Variants in SCNN1A observed in about 807,000 individuals in gnomAD.
SCNN1A encodes the protein sodium channel epithelial 1 subunit alpha.
In SCNN1A, 65 loss-of-function variants were observed where a neutral mutation model predicts 68.6. The observed-to-expected ratio is 0.95, with a 90% confidence interval of 0.78 to 1.16. SCNN1A has a LOEUF of 1.16. SCNN1A is among the 50% of genes most tolerant of loss of function. The pLI, the probability that SCNN1A is intolerant of heterozygous loss-of-function variation, is 0.00. For synonymous variants in SCNN1A, 357 were observed against 353.3 expected (o/e 1.01, Z -0.12); for missense variants, 880 against 865.9 (o/e 1.02, Z -0.20).
intron 5 of SCNN1A, among the ~76,000 whole-genome samples, 166 bp downstream of exon 5, chr12:6,355,611 G>T (rs1948483306): frequency 6.6e-6 from 1 of 152,212 alleles, no homozygotes; most frequent in African/African-American, 2.4e-5. Context: ...GCAGGAGGAA[G>T]ACCTGGGACG....
chr12:6,365,118 C>T (rs139526667), intron 2 of SCNN1A, among the ~76,000 whole-genome samples: 4,000 of 151,376 alleles, frequency 0.026, 163 homozygotes, highest in African/African-American at 0.09. Flanking sequence ...CTCCTGGGCT[C>T]AAGCAATCCT....
intron 1 of SCNN1A, 88 bp downstream of exon 1, chr12:6,375,417 C>T (rs1160785613): frequency 6.6e-7 from 1 of 1,526,024 alleles, no homozygotes; most frequent in African/African-American, 1.4e-5. Context: ...TCTGGGCTGC[C>T]TCCAGCTTCC....
At chr12:6,350,211 T>A (rs1205151291) in intron 8 of SCNN1A, among the ~76,000 whole-genome samples, 3 of 147,994 alleles carry the variant, frequency 2.0e-5, no homozygotes, top group Non-Finnish European at 3.0e-5. Context: ...GGCGGGTGGA[T>A]CACGAGGTCA....
chr12:6,363,740 C>T, intron 2 of SCNN1A, 30 bp from the exon 3 acceptor site: 1 of 1,572,328 alleles, frequency 6.4e-7, no homozygotes, highest in Non-Finnish European at 8.6e-7. Context: ...AGGGTCAGGC[C>T]AGGGGCCCTG....
chr12:6,353,202 A>C (rs1948420017), intron 8 of SCNN1A, among the ~76,000 whole-genome samples: 1 of 152,086 alleles, frequency 6.6e-6, no homozygotes, highest in Admixed American at 6.6e-5. Flanking sequence ...AAGGTGCTCC[A>C]AACTTTACTG....
intron 2 of SCNN1A, among the ~76,000 whole-genome samples, chr12:6,364,610 A>G (rs113304888): frequency 6.6e-6 from 1 of 152,078 alleles, no homozygotes; most frequent in African/African-American, 2.4e-5. Context: ...AAAATACAAA[A>G]AATTAGCCGG....
At chr12:6,370,088 C>T (rs1345018847) in intron 2 of SCNN1A, among the ~76,000 whole-genome samples, 1 of 152,226 alleles carries the variant, frequency 6.6e-6, no homozygotes, top group African/African-American at 2.4e-5. Flanking sequence ...GTCATGCTCA[C>T]TGCCCTCACT....
intron 4 of SCNN1A, among the ~76,000 whole-genome samples, chr12:6,360,097 T>C (rs1948558866): frequency 6.6e-6 from 1 of 152,108 alleles, no homozygotes; most frequent in African/African-American, 2.4e-5. Flanking sequence ...CAACACAAAA[T>C]GGACTAACAC....
intron 8 of SCNN1A, 67 bp from the exon 9 acceptor site, chr12:6,349,472 G>A: frequency 8.6e-7 from 1 of 1,162,210 alleles, no homozygotes; most frequent in Non-Finnish European, 1.3e-6. Context: ...CACCCAAGAG[G>A]TCTCCCAAGA....
chr12:6,359,137 T>C (rs6489711), intron 4 of SCNN1A, among the ~76,000 whole-genome samples: 67,994 of 151,910 alleles, frequency 0.45, 15,708 homozygotes, highest in East Asian at 0.56. Flanking sequence ...GGGTTTCTTT[T>C]TGGGGTAAGG....
At chr12:6,363,330 G>A in intron 3 of SCNN1A, 113 bp downstream of exon 3, 3 of 816,446 alleles carry the variant, frequency 3.7e-6, no homozygotes, top group Admixed American at 8.2e-5. Flanking sequence ...ACGAGGCCCC[G>A]CGTGGTGTCA....
At chr12:6,376,038 G>C (rs1450589241), upstream of SCNN1A, 11 of 994,436 alleles carry the variant, frequency 1.1e-5, no homozygotes, top group African/African-American at 1.7e-5. Context: ...AGGAGAGCAA[G>C]GGGGGAGTCC....
At chr12:6,354,926 T>A in intron 6 of SCNN1A, 78 bp from the exon 7 acceptor site, 1 of 1,215,996 alleles carries the variant, frequency 8.2e-7, no homozygotes, top group Non-Finnish European at 1.2e-6. Context: ...CAGTTCCAGG[T>A]TGTATCTCAC....
Position 6,375,483 on chromosome 12 carries a change from C to T in SCNN1A, c.-55+22G>A. 3.3e-6 allele frequency: 5 copies of T among 1,535,622 alleles called. 1 individual carries two copies. In the South Asian group the frequency reaches 5.9e-5, roughly 18 times the overall value. The stretch of plus-strand genomic sequence containing the variant: ...GTTCCTTTCCAGTTGAATCTGGCAG[C>T]CAAACCTCTCCTCCCCCTCACCTGA... On this transcript the variant is annotated intron_variant, in intron 1 of 12. Coordinates refer to ENST00000228916, the MANE Select transcript of SCNN1A (RefSeq NM_001038.6).
At position 6,348,214 on chromosome 12, in the gene SCNN1A, G is replaced by A. The variant is rs1011744389; in HGVS notation, c.1669C>T (p.Leu557=). 2 of 1,614,036 alleles carry A rather than the reference G, an allele frequency of 1.2e-6. No individual in the cohort carries two copies. The highest frequency in any genetic ancestry group is 1.7e-6 in the Non-Finnish European group (2 of 1,180,028). Residue 557 remains leucine (L), a synonymous_variant, in exon 13 of 13, where the codon CTG becomes TTG. Transcript: ENST00000228916. Reference sequence around the variant, plus strand: ...GACAACACCGAGGAGCCGAACCACAGGCTCCACTGGCTGCCCAGGTTGGAC... The same window carrying A: ...GACAACACCGAGGAGCCGAACCACAAGCTCCACTGGCTGCCCAGGTTGGAC... The part of the protein sequence containing the change: ...LLSNLGSQWS[L]WFGSSVLSVV...
chr12:6,347,302 T>C lies in SCNN1A; in HGVS notation c.*571A>G, dbSNP rs983773846. 4 of 157,534 alleles carry C rather than the reference T, an allele frequency of 2.5e-5. No homozygotes were observed. The highest frequency in any genetic ancestry group is 9.6e-5 in the African/African-American group (4 of 41,470). 9.8% of individuals were successfully genotyped at this position (157,534 alleles called of 1,614,324 possible). ...AGAGGAGCCCTGGGTCTGCCTTTAC[T>C]TACCCGGGTCTGCTCTAGCCCTAGC... is the stretch of plus-strand genomic sequence containing the variant. On this transcript the variant is annotated 3_prime_UTR_variant, in exon 13 of 13. Coordinates refer to ENST00000228916, the MANE Select transcript of SCNN1A (RefSeq NM_001038.6).
chr12:6,350,841 AAAT>A (rs1387247094), intron 8 of SCNN1A, among the ~76,000 whole-genome samples: 1 of 142,938 alleles, frequency 7.0e-6, no homozygotes, highest in African/African-American at 3.0e-5. Context: ...TTCTCAAAAT[AAAT>A]AATAAATAAA....
At chr12:6,363,337 G>T in intron 3 of SCNN1A, 106 bp downstream of exon 3, 1 of 969,148 alleles carries the variant, frequency 1.0e-6, no homozygotes, top group Non-Finnish European at 1.4e-6. Context: ...CCCGCGTGGT[G>T]TCACTGGGCT....
chr12:6,367,422 T>G (rs539832268), intron 2 of SCNN1A, among the ~76,000 whole-genome samples: 3 of 152,236 alleles, frequency 2.0e-5, no homozygotes, highest in South Asian at 2.1e-4. Flanking sequence ...TCAACCAGAA[T>G]AGGCTCATCA....
Sources: allele counts gnomAD v4.1 joint callset (sites outside exome capture counted in the v4.1 genomes callset), GRCh38; gene constraint gnomAD v4.1.1; transcripts MANE v1.5; gene names NCBI Gene and HGNC (gene_info 2026-07-23, HGNC 2026-07-21).